The following DPYSL5 variants were observed in gnomAD, a reference collection of about 807,000 sequenced individuals.
DPYSL5 encodes dihydropyrimidinase like 5, also known as dihydropyrimidinase-related protein 5.
Under a neutral mutation model 58.4 loss-of-function variants are expected in DPYSL5, and 9 were observed. The ratio of observed to expected loss-of-function variants is 0.15; its 90% CI spans 0.09 to 0.27. The LOEUF is 0.27. Ranked by LOEUF, DPYSL5 falls within the 10% of genes least tolerant of loss-of-function variation. The pLI is 1.00. For missense variants in DPYSL5, 499 were observed against 770.6 expected (o/e 0.65, Z 4.17); for synonymous variants, 293 against 301.9 (o/e 0.97, Z 0.31).
At chr2:26,891,701 CT>C (rs1400488782) in intron 1 of DPYSL5, among the ~76,000 whole-genome samples, 1 of 151,832 alleles carries the variant, frequency 6.6e-6, no homozygotes, top group Non-Finnish European at 1.5e-5. Flanking sequence ...TAGACAGAGT[CT>C]CGCTCTGTTG....
intron 6 of DPYSL5, among the ~76,000 whole-genome samples, chr2:26,932,088 AAAAAGAAAG>A (rs1265013706): frequency 3.1e-4 from 27 of 88,498 alleles, no homozygotes; most frequent in African/African-American, 1.2e-3. Context: ...AAAGAAAAGA[AAAAAGAAAG>A]AGAAAGAAAG....
intron 1 of DPYSL5, among the ~76,000 whole-genome samples, chr2:26,890,126 A>G (rs574757852): frequency 3.3e-5 from 5 of 152,298 alleles, no homozygotes; most frequent in South Asian, 2.1e-4. Context: ...TCTCTGTAAC[A>G]TGGGGAAAGA....
rs1012759445 is a variant in DPYSL5, at chr2:26,942,288, C to T, written c.1232+196C>T. ...TCACACATGTCTGGTGTGTCTGTCTCCTCTTCTTATAAGGACACCGATAAG... is the reference window on the plus strand; with the variant it reads ...TCACACATGTCTGGTGTGTCTGTCTTCTCTTCTTATAAGGACACCGATAAG... On this transcript the variant is annotated intron_variant, in intron 10 of 12. Transcript: ENST00000288699. The surrounding 1 kb of genome is among the most constrained non-coding windows in gnomAD (Gnocchi z 5.9). 1.3e-5 allele frequency among the ~76,000 whole-genome samples: 2 copies of T among 152,194 alleles called. No individual in the cohort carries two copies. The highest frequency in any genetic ancestry group is 4.8e-5 in the African/African-American group (2 of 41,420).
Position 26,947,112 on chromosome 2 carries a change from C to T in DPYSL5, c.*117C>T. On this transcript the variant is annotated 3_prime_UTR_variant, in exon 13 of 13. Coordinates refer to ENST00000288699, the MANE Select transcript of DPYSL5 (RefSeq NM_020134.4). The surrounding 1 kb of genome is among the most constrained non-coding windows in gnomAD (Gnocchi z 4.2). ...GGGTGGCACACCACCCGAGGGGGGCCCCGGGACCCACGGAGCCCTCCCTAT... is the reference window on the plus strand; with the variant it reads ...GGGTGGCACACCACCCGAGGGGGGCTCCGGGACCCACGGAGCCCTCCCTAT... 1 of 796,298 alleles carries T rather than the reference C, an allele frequency of 1.3e-6. No individual in the cohort carries two copies. Among genetic ancestry groups the T allele is most frequent in the Non-Finnish European group, 2.0e-6 (1 of 487,884 alleles). The allele number at this position is 796,298 out of a possible 1,614,324, so 49.3% of individuals were successfully genotyped here. A position where few individuals can be genotyped will look rare whatever the true frequency, so the allele number is the denominator to read the frequency against.
chr2:26,875,053 A>G (rs1663373991), intron 1 of DPYSL5, among the ~76,000 whole-genome samples: 1 of 152,216 alleles, frequency 6.6e-6, no homozygotes, highest in African/African-American at 2.4e-5. Context: ...TATTTTGTTA[A>G]ATTCATCCTG....
Position 26,946,900 on chromosome 2 carries a change from T to C in DPYSL5, c.1610-10T>C. The C allele has an allele frequency of 6.2e-7, 1 of 1,613,092 alleles. No individual in the cohort carries two copies. The highest frequency in any genetic ancestry group is 8.5e-7 in the Non-Finnish European group (1 of 1,179,048). ...AGCCCGTCTCACCCTCTGTGCTTCC[T>C]TCCCTGCAGGCTCTCAGATCGATGA... is the stretch of plus-strand genomic sequence containing the variant. On this transcript the variant is annotated splice_polypyrimidine_tract_variant and intron_variant, in intron 12 of 12. Transcript: ENST00000288699.
Position 26,934,660 on chromosome 2 carries a change from G to A in DPYSL5, c.873G>A (p.Ala291=), listed in dbSNP as rs144409368. 2.4e-4 allele frequency: 394 copies of A among 1,614,102 alleles called. 1 individual carries two copies. The highest frequency in any genetic ancestry group is 3.1e-4 in the Non-Finnish European group (370 of 1,180,040). Residue 291 remains alanine, a synonymous_variant, in exon 8 of 13, where the codon GCG becomes GCA. Transcript: ENST00000288699. This position sits in a 1 kb window ranked among gnomAD's most constrained non-coding sequence, Gnocchi z 4.3. ...ACTACCACCAGGACTGGTCCCACGCGGCTGCCTATGTCACGGTGCCTCCCC... is the reference window on the plus strand; with the variant it reads ...ACTACCACCAGGACTGGTCCCACGCAGCTGCCTATGTCACGGTGCCTCCCC... The part of the protein sequence containing the change: ...LHYYHQDWSH[A]AAYVTVPPLR...
At chr2:26,906,347 C>G (rs1006946969) in intron 2 of DPYSL5, among the ~76,000 whole-genome samples, 2 of 152,066 alleles carry the variant, frequency 1.3e-5, no homozygotes, top group Non-Finnish European at 2.9e-5. Flanking sequence ...CCACGCCCAG[C>G]TAATTTTTGT....
chr2:26,923,275 G>A (rs552844026), intron 2 of DPYSL5, among the ~76,000 whole-genome samples: 2 of 152,294 alleles, frequency 1.3e-5, no homozygotes, highest in South Asian at 4.1e-4. Flanking sequence ...AGGCTGCAGT[G>A]TGCTATGATT....
intron 6 of DPYSL5, among the ~76,000 whole-genome samples, chr2:26,932,208 A>AAAGAAAAGAAAGAAAG (rs1178078504): frequency 4.3e-5 from 3 of 70,168 alleles, no homozygotes; most frequent in African/African-American, 1.7e-4. Flanking sequence ...AGAAAGAAAG[A>AAAGAAAAGAAAGAAAG]AAAGAAAGAA....
chr2:26,948,952 TC>T lies in DPYSL5; in HGVS notation c.*1958del, dbSNP rs1665562986. 6.6e-6 allele frequency: 1 copy of T among 152,238 alleles called. No individual in the cohort carries two copies. The highest frequency in any genetic ancestry group is 1.5e-5 in the Non-Finnish European group (1 of 68,048). The allele number at this position is 152,238 out of a possible 1,614,324, so 9.4% of individuals were successfully genotyped here. A position where few individuals can be genotyped will look rare whatever the true frequency, so the allele number is the denominator to read the frequency against. ...CCGTATATGACCTCTCACTTAGTCC[TC>T]ATGACAATGGAGCACTTATTATTCT... On this transcript the variant is annotated 3_prime_UTR_variant, in exon 13 of 13. Coordinates refer to ENST00000288699, the MANE Select transcript of DPYSL5 (RefSeq NM_020134.4).
chr2:26,920,435 A>G (rs1034393479), intron 2 of DPYSL5, among the ~76,000 whole-genome samples: 2 of 152,226 alleles, frequency 1.3e-5, no homozygotes, highest in Non-Finnish European at 2.9e-5. Context: ...TTGGAGAAGT[A>G]GAAAAAATAA....
intron 1 of DPYSL5, among the ~76,000 whole-genome samples, chr2:26,858,496 C>T (rs951166357): frequency 6.6e-6 from 1 of 151,920 alleles, no homozygotes; most frequent in Non-Finnish European, 1.5e-5. Context: ...TTTAAAACCT[C>T]GACTTACTGC....
intron 9 of DPYSL5, among the ~76,000 whole-genome samples, chr2:26,941,111 A>AT (rs1204104839): frequency 2.0e-5 from 3 of 151,524 alleles, no homozygotes; most frequent in Admixed American, 6.6e-5. Context: ...TAATTTTTGT[A>AT]TTTTTTATAG....
intron 9 of DPYSL5, 60 bp downstream of exon 9, chr2:26,940,232 G>A (rs759953557): frequency 1.3e-5 from 20 of 1,586,672 alleles, no homozygotes; most frequent in African/African-American, 5.4e-5. Context: ...TTTCATCCCC[G>A]TTCTAATCCC....
chr2:26,929,566 T>C (rs1664920548), intron 5 of DPYSL5, among the ~76,000 whole-genome samples: 1 of 152,180 alleles, frequency 6.6e-6, no homozygotes. Flanking sequence ...AAACCATCCC[T>C]CCCCATTTCC....
chr2:26,893,766 A>G (rs1663945997), intron 1 of DPYSL5, among the ~76,000 whole-genome samples: 1 of 152,188 alleles, frequency 6.6e-6, no homozygotes, highest in Admixed American at 6.5e-5. Context: ...CGTGAAGGCA[A>G]TGGATCTAGT....
rs982262001 is a variant in DPYSL5, at chr2:26,934,918, T to C, written c.947+184T>C. Among the ~76,000 whole-genome samples the C allele has an allele frequency of 2.6e-5, 4 of 152,168 alleles. No homozygotes were observed. The highest frequency in any genetic ancestry group is 4.4e-5 in the Non-Finnish European group (3 of 68,028). Reference sequence around the variant, plus strand: ...CTATTGGGATTTTATGACCGCTTGATATGGAGTGAGATCTTCTGAAGTATA... The same window carrying C: ...CTATTGGGATTTTATGACCGCTTGACATGGAGTGAGATCTTCTGAAGTATA... On this transcript the variant is annotated intron_variant, in intron 8 of 12. Transcript: ENST00000288699. This position sits in a 1 kb window ranked among gnomAD's most constrained non-coding sequence, Gnocchi z 4.3.
chr2:26,897,046 A>T (rs774137863), intron 1 of DPYSL5, among the ~76,000 whole-genome samples: 4 of 151,886 alleles, frequency 2.6e-5, no homozygotes, highest in African/African-American at 7.3e-5. Context: ...GGCCTTGCTT[A>T]TTTGTTCTAG....
Sources: gnomAD v4.1 joint callset for allele counts (sites outside exome capture counted in the v4.1 genomes callset) on GRCh38, gnomAD v4.1.1 for gene constraint, Gnocchi (gnomAD v3.1) non-coding constraint, MANE v1.5 for transcripts, NCBI Gene and HGNC (gene_info 2026-07-23, HGNC 2026-07-21) for gene names.